EPB41L4B: variants seen among roughly 807,000 people sequenced by gnomAD.
The protein encoded by EPB41L4B is erythrocyte membrane protein band 4.1 like 4B, also known as band 4.1-like protein 4B.
Under a neutral mutation model 112.5 loss-of-function variants are expected in EPB41L4B, and 30 were observed. That is an observed-to-expected ratio of 0.27 (90% CI 0.20 to 0.36). The LOEUF (loss-of-function observed/expected upper bound fraction) is 0.36, where lower values mean the gene tolerates loss of function less well. Ranked by LOEUF, EPB41L4B falls within the 10% of genes least tolerant of loss-of-function variation. The probability of loss-of-function intolerance (pLI) is 1.00; values close to 1 mark genes in which losing one functional copy is unlikely to be tolerated. For synonymous variants in EPB41L4B, 408 were observed against 439.7 expected (o/e 0.93, Z 0.90); for missense variants, 1,024 against 1,133.3 (o/e 0.90, Z 1.38).
intron 20 of EPB41L4B, among the ~76,000 whole-genome samples, chr9:109,197,453 G>T (rs1269398094): frequency 6.6e-6 from 1 of 151,594 alleles, no homozygotes; most frequent in Non-Finnish European, 1.5e-5. Flanking sequence ...ATAATAAAAA[G>T]ATGGGCAAAT....
chr9:109,289,135 G>A (rs1836424378), intron 1 of EPB41L4B, among the ~76,000 whole-genome samples: 1 of 152,090 alleles, frequency 6.6e-6, no homozygotes, highest in African/African-American at 2.4e-5. Context: ...TAAAGTGCAG[G>A]TTCCTCAGCC....
chr9:109,227,376 T>G (rs913003176), intron 15 of EPB41L4B, among the ~76,000 whole-genome samples: 37 of 152,160 alleles, frequency 2.4e-4, no homozygotes, highest in African/African-American at 8.2e-4. Flanking sequence ...CCACTGGAGT[T>G]CTGATTTAAA....
At chr9:109,241,788 C>A in intron 15 of EPB41L4B, 2 of 1,614,132 alleles carry the variant, frequency 1.2e-6, no homozygotes, top group Non-Finnish European at 1.7e-6. Context: ...TCCAATGCGA[C>A]CTGTCATCCT....
At position 109,247,789 on chromosome 9, in the gene EPB41L4B, G is replaced by T; in HGVS notation, c.1311C>A (p.Cys437Ter). 1 of 1,494,984 alleles carries T rather than the reference G, an allele frequency of 6.7e-7. No homozygotes were observed. The highest frequency in any genetic ancestry group is 8.9e-7 in the Non-Finnish European group (1 of 1,120,936). The allele number at this position is 1,494,984 out of a possible 1,614,324, so 92.6% of individuals were successfully genotyped here. A position where few individuals can be genotyped will look rare whatever the true frequency, so the allele number is the denominator to read the frequency against. The change falls in exon 14 of 26, where the codon TGC becomes TGA. Residue 437 changes from cysteine (C) to a stop codon, truncating the protein, a stop_gained and splice_region_variant. Coordinates refer to ENST00000374566, the MANE Select transcript of EPB41L4B (RefSeq NM_019114.5). LOFTEE classifies it high-confidence loss of function. ...ASNPVIAAQL[C>*]SKTNPEVHNY... ...TATGGACTTCTGGATTTGTTTTAGAGCTAAACAAACAAACAAACAAAAAAC... is the reference window on the plus strand; with the variant it reads ...TATGGACTTCTGGATTTGTTTTAGATCTAAACAAACAAACAAACAAAAAAC...
chr9:109,176,694 T>A lies in EPB41L4B; in HGVS notation c.2490A>T (p.Ala830=). ...ACTGTAATTTACTGTCTCTGAAGTC[T>A]GCCTGGAGAAGAAACAGGAAAGAGG... ...DTFTTGPQFT[A]DFRDSKLQCC... is the part of the protein sequence containing the mutation. Residue 830 remains alanine (A), a splice_region_variant and synonymous_variant, in exon 25 of 26, where the codon GCA becomes GCT. Transcript: ENST00000374566. The A allele has an allele frequency of 6.2e-7, 1 of 1,612,520 alleles. No individual in the cohort carries two copies.
chr9:109,191,920 C>A (rs1029525230), intron 22 of EPB41L4B, among the ~76,000 whole-genome samples: 2 of 152,120 alleles, frequency 1.3e-5, no homozygotes, highest in African/African-American at 4.8e-5. Flanking sequence ...CCAGATGGAT[C>A]GTCGGAAGCA....
chr9:109,275,999 G>A (rs1232344987), intron 2 of EPB41L4B, among the ~76,000 whole-genome samples: 1 of 150,842 alleles, frequency 6.6e-6, no homozygotes, highest in Non-Finnish European at 1.5e-5. Flanking sequence ...TTAAGAGGAG[G>A]AGGTCCTAAG....
chr9:109,215,145 G>A (rs1237565625), intron 16 of EPB41L4B, among the ~76,000 whole-genome samples: 1 of 152,152 alleles, frequency 6.6e-6, no homozygotes, highest in Non-Finnish European at 1.5e-5. Context: ...CACAATATCA[G>A]AGCTGGAAGA....
chr9:109,281,587 C>A (rs1010804515), intron 1 of EPB41L4B, among the ~76,000 whole-genome samples: 2 of 151,996 alleles, frequency 1.3e-5, no homozygotes, highest in Non-Finnish European at 2.9e-5. Context: ...CCTGTAATCC[C>A]GCTATTCAGG....
intron 23 of EPB41L4B, 67 bp from the exon 24 acceptor site, chr9:109,182,864 A>C: frequency 8.6e-7 from 1 of 1,168,690 alleles, no homozygotes; most frequent in South Asian, 1.2e-5. Context: ...AATCTTTGGC[A>C]GCGCACCTTT....
chr9:109,279,624 C>T (rs1835959250), intron 2 of EPB41L4B, among the ~76,000 whole-genome samples, 193 bp downstream of exon 2: 1 of 152,194 alleles, frequency 6.6e-6, no homozygotes, highest in Non-Finnish European at 1.5e-5. Flanking sequence ...TACTGGCCAC[C>T]TCAAGGGTGA....
At chr9:109,264,499 G>A (rs367748218) in intron 5 of EPB41L4B, among the ~76,000 whole-genome samples, 3 of 152,224 alleles carry the variant, frequency 2.0e-5, no homozygotes, top group African/African-American at 7.2e-5. Context: ...TGTGCTGCCA[G>A]AGGCCTAGTA....
chr9:109,281,755 C>G (rs999754260), intron 1 of EPB41L4B, among the ~76,000 whole-genome samples: 2 of 151,364 alleles, frequency 1.3e-5, no homozygotes, highest in African/African-American at 4.9e-5. Context: ...AAGATCATAA[C>G]AAATGTTGGA....
chr9:109,175,653 C>T (rs192797015), intron 25 of EPB41L4B, among the ~76,000 whole-genome samples: 115 of 152,108 alleles, frequency 7.6e-4, no homozygotes, highest in Non-Finnish European at 1.3e-3. Flanking sequence ...ATGACAGGCA[C>T]GAGCCACCAT....
chr9:109,294,672 CTGTGTGTGTGTGTG>C (rs56261244), intron 1 of EPB41L4B, among the ~76,000 whole-genome samples: 5 of 147,952 alleles, frequency 3.4e-5, no homozygotes, highest in South Asian at 2.1e-4. Context: ...GATATTGTGG[CTGTGTGTGTGTGTG>C]TGTGTGTGTG....
chr9:109,295,505 G>C (rs1272679384), intron 1 of EPB41L4B, among the ~76,000 whole-genome samples: 2 of 152,134 alleles, frequency 1.3e-5, no homozygotes, highest in African/African-American at 2.4e-5. Context: ...AAGAACATAG[G>C]AATGTTCTAG....
chr9:109,204,065 G>A (rs975632740), intron 18 of EPB41L4B, among the ~76,000 whole-genome samples: 2 of 152,242 alleles, frequency 1.3e-5, no homozygotes, highest in African/African-American at 4.8e-5. Flanking sequence ...TCACCTCACA[G>A]TTTGGGTCAG....
At chr9:109,192,165 G>A (rs1351178773) in intron 22 of EPB41L4B, 113 bp downstream of exon 22, 5 of 827,514 alleles carry the variant, frequency 6.0e-6, no homozygotes, top group Non-Finnish European at 7.8e-6. Flanking sequence ...GAGCCTCCAG[G>A]ACAAGAGGAA....
intron 1 of EPB41L4B, among the ~76,000 whole-genome samples, chr9:109,301,461 A>C (rs1047341443): frequency 6.6e-6 from 1 of 152,126 alleles, no homozygotes; most frequent in Non-Finnish European, 1.5e-5. Flanking sequence ...TCTACCACTC[A>C]GCCCCTTCTC....
Sources: gnomAD v4.1 joint callset for allele counts (sites outside exome capture counted in the v4.1 genomes callset) on GRCh38, gnomAD v4.1.1 for gene constraint, MANE v1.5 for transcripts, NCBI Gene and HGNC (gene_info 2026-07-23, HGNC 2026-07-21) for gene names.